LRRC8B: variants seen among roughly 807,000 people sequenced by gnomAD.
LRRC8B encodes the protein leucine rich repeat containing 8 VRAC subunit B.
Under a neutral mutation model 58.8 loss-of-function variants are expected in LRRC8B, and 23 were observed. That is an observed-to-expected ratio of 0.39 (90% CI 0.28 to 0.55). LRRC8B has a LOEUF of 0.55. Ranked by LOEUF, LRRC8B falls within the 20% of genes least tolerant of loss-of-function variation. The probability of loss-of-function intolerance (pLI) is 0.62; values close to 1 mark genes in which losing one functional copy is unlikely to be tolerated. For synonymous variants in LRRC8B, 359 were observed against 374.1 expected, an observed-to-expected ratio of 0.96 and a Z score of 0.47; for missense variants, 694 against 936.0, an observed-to-expected ratio of 0.74 and a Z score of 3.37.
chr1:89,574,687 G>A (rs1303134890), intron 3 of LRRC8B, among the ~76,000 whole-genome samples: 1 of 152,084 alleles, frequency 6.6e-6, no homozygotes, highest in Non-Finnish European at 1.5e-5. Context: ...AGACTTTAGA[G>A]GAAGTATTTC....
intron 5 of LRRC8B, among the ~76,000 whole-genome samples, chr1:89,586,414 A>G (rs996309424): frequency 1.3e-5 from 2 of 152,218 alleles, no homozygotes; most frequent in Non-Finnish European, 2.9e-5. Flanking sequence ...TTTTAAAGGC[A>G]TTGGTTCCAC....
intron 1 of LRRC8B, among the ~76,000 whole-genome samples, chr1:89,542,754 T>C (rs1164747622): frequency 6.6e-6 from 1 of 152,232 alleles, no homozygotes; most frequent in African/African-American, 2.4e-5. Flanking sequence ...TAAGCACTTA[T>C]AAAAATACTT....
At chr1:89,567,151 T>C (rs1000574343) in intron 1 of LRRC8B, among the ~76,000 whole-genome samples, 2 of 152,210 alleles carry the variant, frequency 1.3e-5, no homozygotes, top group African/African-American at 4.8e-5. Context: ...TTGTCCTCTT[T>C]TTATCCTGCC....
intron 1 of LRRC8B, among the ~76,000 whole-genome samples, chr1:89,536,328 T>G (rs992302205): frequency 3.3e-5 from 5 of 152,186 alleles, no homozygotes; most frequent in Non-Finnish European, 7.3e-5. Flanking sequence ...ATAAAGCAGC[T>G]TTTTCTATAA....
chr1:89,595,857 A>C lies in LRRC8B; in HGVS notation c.*2814A>C, dbSNP rs1358218504. 1.3e-5 allele frequency: 2 copies of C among 152,102 alleles called. No homozygotes were observed. The highest frequency in any genetic ancestry group is 6.5e-5 in the Admixed American group (1 of 15,284). The allele number at this position is 152,102 out of a possible 1,614,324, so 9.4% of individuals were successfully genotyped here. The stretch of plus-strand genomic sequence containing the variant: ...TAAATGAAGAAAATTAAGTTTGTTA[A>C]ATTATAATTATGAGACTTTCGTTGG... On this transcript the variant is annotated 3_prime_UTR_variant, in exon 6 of 6. Coordinates refer to ENST00000330947, the MANE Select transcript of LRRC8B (RefSeq NM_001369817.2).
chr1:89,581,191 C>T (rs1044092719), intron 4 of LRRC8B, among the ~76,000 whole-genome samples: 2 of 143,648 alleles, frequency 1.4e-5, no homozygotes, highest in Admixed American at 7.3e-5. Context: ...CCCAGCTGCT[C>T]GGGAGGCTGA....
chr1:89,577,983 T>A (rs1653971336), intron 3 of LRRC8B, among the ~76,000 whole-genome samples: 1 of 152,158 alleles, frequency 6.6e-6, no homozygotes, highest in Non-Finnish European at 1.5e-5. Flanking sequence ...AGGTTGGGAT[T>A]TGAGTATGAG....
chr1:89,556,350 T>A (rs1013625163), intron 1 of LRRC8B, among the ~76,000 whole-genome samples: 3 of 152,168 alleles, frequency 2.0e-5, no homozygotes, highest in African/African-American at 7.2e-5. Flanking sequence ...GTATCCTTTA[T>A]AATAAATCAA....
chr1:89,574,846 C>T (rs1181302015), intron 3 of LRRC8B, among the ~76,000 whole-genome samples: 1 of 152,124 alleles, frequency 6.6e-6, no homozygotes, highest in East Asian at 1.9e-4. Flanking sequence ...ACATTACTGC[C>T]AGTAAAACTT....
rs1185133579 is a variant in LRRC8B at position 89,579,612 on chromosome 1, GGT to G, written c.-98_-97del. ...ATAGAATGAAGACAAACACAGAGAT[GGT>G]GTGTCTAAGAAACTTCAAAAGGTGT... On this transcript the variant is annotated 5_prime_UTR_variant, in exon 4 of 6. The change creates a premature stop within an existing upstream ORF in the 5' untranslated region. Transcript: ENST00000330947. 1 of 152,554 alleles carries G rather than the reference GGT, an allele frequency of 6.6e-6. No individual in the cohort carries two copies. Among genetic ancestry groups the G allele is most frequent in the Admixed American group, 6.5e-5 (1 of 15,270 alleles). 9.5% of individuals were successfully genotyped at this position (152,554 alleles called of 1,614,324 possible).
At chr1:89,525,193 G>A (rs1649568549) in intron 1 of LRRC8B, among the ~76,000 whole-genome samples, 171 bp downstream of exon 1, 1 of 152,268 alleles carries the variant, frequency 6.6e-6, no homozygotes. Flanking sequence ...CGCGGCTGCA[G>A]AGACGAGTGG....
At chr1:89,556,060 C>T (rs568313180) in intron 1 of LRRC8B, among the ~76,000 whole-genome samples, 83 of 152,218 alleles carry the variant, frequency 5.5e-4, no homozygotes, top group African/African-American at 1.9e-3. Flanking sequence ...CCATGTGATT[C>T]CAGCATTGGA....
chr1:89,559,902 A>C (rs1557605493), intron 1 of LRRC8B, among the ~76,000 whole-genome samples: 1 of 152,180 alleles, frequency 6.6e-6, no homozygotes, highest in Non-Finnish European at 1.5e-5. Context: ...TTTTCTAAGG[A>C]AACCTACACC....
In LRRC8B at chr1:89,582,714, C is replaced by T; in HGVS notation, c.64C>T (p.Pro22Ser). 6.2e-7 allele frequency: 1 copy of T among 1,614,184 alleles called. No homozygotes were observed. The highest frequency in any genetic ancestry group is 8.5e-7 in the Non-Finnish European group (1 of 1,180,036). Reference sequence around the variant, plus strand: ...CCAGTCATCTTATCACATCTTAAAACCATGGTGGGACGTCTTCTGGTATTA... The same window carrying T: ...CCAGTCATCTTATCACATCTTAAAATCATGGTGGGACGTCTTCTGGTATTA... ...DAQSSYHILK[P>S]WWDVFWYYIT... is the part of the protein sequence containing the mutation. Residue 22 changes from proline to serine, a missense_variant, in exon 5 of 6, where the codon CCA (proline) becomes TCA (serine). Physicochemically the swap from Pro to Ser is moderately conservative, Grantham distance 74. Around this residue, in one of 5 missense-constraint regions of LRRC8B, gnomAD observed 316 missense variants for 403.8 expected, o/e 0.78. Transcript: ENST00000330947.
At chr1:89,553,694 T>C (rs1172238549) in intron 1 of LRRC8B, among the ~76,000 whole-genome samples, 2 of 152,220 alleles carry the variant, frequency 1.3e-5, no homozygotes, top group Admixed American at 6.5e-5. Context: ...TGCATCAGTT[T>C]ACTGGCTAAA....
intron 5 of LRRC8B, among the ~76,000 whole-genome samples, chr1:89,589,822 T>G (rs1654868295): frequency 6.6e-6 from 1 of 150,806 alleles, no homozygotes; most frequent in Non-Finnish European, 1.5e-5. Flanking sequence ...AAGTAAGATC[T>G]CAGCCTCTGG....
rs751843237 is a variant in LRRC8B, at chr1:89,581,704, C to T, written c.-26-921C>T. Among the ~76,000 whole-genome samples, 7 of 152,164 alleles carry T rather than the reference C, an allele frequency of 4.6e-5. No homozygotes were observed. The East Asian group carries it at 1.3e-3, about 29-fold the overall frequency. On this transcript the variant is annotated intron_variant, in intron 4 of 5. Coordinates refer to ENST00000330947, the MANE Select transcript of LRRC8B (RefSeq NM_001369817.2). ...ATGGAATATGCCTCCATCGTTTATC[C>T]TTTTAGTACTTTGCCATCACAACAT...
chr1:89,559,874 T>C (rs1253533561), intron 1 of LRRC8B, among the ~76,000 whole-genome samples: 3 of 152,194 alleles, frequency 2.0e-5, no homozygotes, highest in African/African-American at 7.2e-5. Context: ...GAGTTGACAA[T>C]TGTAGACATT....
At chr1:89,582,489 A>G (rs1018569112) in intron 4 of LRRC8B, 136 bp from the exon 5 acceptor site, 2 of 608,948 alleles carry the variant, frequency 3.3e-6, no homozygotes, top group Non-Finnish European at 5.8e-6. Flanking sequence ...TGTGCCCCTT[A>G]ATCAGCTCTT....
Sources: gnomAD v4.1 joint callset for allele counts (sites outside exome capture counted in the v4.1 genomes callset) on GRCh38, gnomAD v4.1.1 for gene constraint, gnomAD v4.1.1 regional missense constraint, MANE v1.5 for transcripts, NCBI Gene and HGNC (gene_info 2026-07-23, HGNC 2026-07-21) for gene names.